The following ERBIN variants were observed in gnomAD, a reference collection of about 807,000 sequenced individuals.
The protein encoded by ERBIN is densin-180-like protein.
Under a neutral mutation model 158.4 loss-of-function variants are expected in ERBIN, and 60 were observed. The ratio of observed to expected loss-of-function variants is 0.38; its 90% CI spans 0.31 to 0.47. The LOEUF is 0.47. Ranked by LOEUF, ERBIN falls within the 20% of genes least tolerant of loss-of-function variation. The pLI is 0.99. For missense variants in ERBIN, 1,610 were observed against 1,648.0 expected (o/e 0.98, Z 0.40); for synonymous variants, 594 against 557.2 (o/e 1.07, Z -0.93).
chr5:65,994,103 A>C (rs1290392546), intron 3 of ERBIN, among the ~76,000 whole-genome samples: 1 of 152,198 alleles, frequency 6.6e-6, no homozygotes, highest in African/African-American at 2.4e-5. Context: ...TTATATGGCT[A>C]TGGATAAAAG....
chr5:66,067,306 A>T (rs1315145496), intron 21 of ERBIN, among the ~76,000 whole-genome samples: 3 of 152,244 alleles, frequency 2.0e-5, no homozygotes, highest in African/African-American at 7.2e-5. Context: ...TCTTGGCATT[A>T]GACGTCAACT....
intron 1 of ERBIN, among the ~76,000 whole-genome samples, chr5:65,962,107 T>C (rs1747991916): frequency 6.6e-6 from 1 of 152,202 alleles, no homozygotes. Flanking sequence ...AGAGCAATTG[T>C]TATTTGTAAA....
chr5:66,043,873 A>G (rs928248919), intron 16 of ERBIN, among the ~76,000 whole-genome samples: 4 of 152,212 alleles, frequency 2.6e-5, no homozygotes, highest in Non-Finnish European at 4.4e-5. Flanking sequence ...ATTTTTGGCA[A>G]TATTCATACT....
chr5:65,987,420 G>A (rs1012641708), intron 1 of ERBIN, among the ~76,000 whole-genome samples: 1 of 100,944 alleles, frequency 9.9e-6, no homozygotes, highest in Non-Finnish European at 2.2e-5. Context: ...AGGTTAGCTG[G>A]GTGTGGTGGT....
intron 1 of ERBIN, among the ~76,000 whole-genome samples, chr5:65,955,593 G>T (rs559680384): frequency 2.6e-5 from 4 of 152,342 alleles, no homozygotes; most frequent in Admixed American, 2.6e-4. Context: ...TTGTGCCACT[G>T]CACTCCAGCA....
At chr5:66,055,402 T>G (rs1759489273) in intron 21 of ERBIN, among the ~76,000 whole-genome samples, 1 of 152,202 alleles carries the variant, frequency 6.6e-6, no homozygotes, top group Admixed American at 6.5e-5. Context: ...GAACTAACAT[T>G]GTCACTGACA....
intron 1 of ERBIN, among the ~76,000 whole-genome samples, chr5:65,952,887 T>A (rs1198303621): frequency 6.6e-6 from 1 of 152,096 alleles, no homozygotes; most frequent in African/African-American, 2.4e-5. Context: ...GGAACAAGAG[T>A]ACAAATGGAG....
rs185418324 is a variant in ERBIN, at chr5:66,043,036, C to T, written c.1307-41C>T. 131 of 1,423,770 alleles carry T rather than the reference C, an allele frequency of 9.2e-5. No individual in the cohort carries two copies. In the African/African-American group the frequency reaches 1.6e-3, roughly 18 times the overall value. The allele number at this position is 1,423,770 out of a possible 1,614,324, so 88.2% of individuals were successfully genotyped here. On this transcript the variant is annotated intron_variant, in intron 15 of 25. Coordinates refer to ENST00000284037, the MANE Select transcript of ERBIN (RefSeq NM_001253697.2). ...AGCAAGTGATAGTTTTCCATAATTA[C>T]AGTAAAATATAGTAGGTTTTTGTTT... is the stretch of plus-strand genomic sequence containing the variant.
chr5:65,928,803 A>G (rs1299395535), intron 1 of ERBIN, among the ~76,000 whole-genome samples: 6 of 152,214 alleles, frequency 3.9e-5, no homozygotes, highest in African/African-American at 1.4e-4. Context: ...TTGTGAAACT[A>G]TAAGTATTTT....
chr5:65,985,091 A>G (rs555413276), intron 1 of ERBIN, among the ~76,000 whole-genome samples: 1 of 152,284 alleles, frequency 6.6e-6, no homozygotes, highest in South Asian at 2.1e-4. Flanking sequence ...GAATCACATG[A>G]CATTTTTTTG....
intron 4 of ERBIN, among the ~76,000 whole-genome samples, chr5:66,009,863 T>A (rs778694152): frequency 2.0e-5 from 3 of 152,164 alleles, no homozygotes; most frequent in Non-Finnish European, 2.9e-5. Context: ...ATTTTAAAAC[T>A]TAGATTAAGT....
At chr5:65,937,838 G>A (rs577994059) in intron 1 of ERBIN, among the ~76,000 whole-genome samples, 1 of 152,312 alleles carries the variant, frequency 6.6e-6, no homozygotes, top group South Asian at 2.1e-4. Context: ...GAACCCGGGA[G>A]GCGGAGCTTG....
At chr5:66,026,115 A>G (rs1366472437) in intron 12 of ERBIN, 138 bp downstream of exon 12, 8 of 836,010 alleles carry the variant, frequency 9.6e-6, no homozygotes, top group African/African-American at 9.0e-5. Flanking sequence ...ATAATTAGCT[A>G]TGTTAATTTA....
At chr5:65,993,044 C>A in intron 3 of ERBIN, 137 bp downstream of exon 3, 1 of 521,304 alleles carries the variant, frequency 1.9e-6, no homozygotes. Flanking sequence ...GTAGAGTATG[C>A]CGTACAATTC....
At chr5:66,013,500 G>T in intron 5 of ERBIN, 49 bp from the exon 6 acceptor site, 2 of 1,241,844 alleles carry the variant, frequency 1.6e-6, no homozygotes, top group Non-Finnish European at 2.4e-6. Flanking sequence ...TTTAATAAAA[G>T]ACTGAATTTC....
chr5:66,032,436 T>C (rs569639795), intron 14 of ERBIN, among the ~76,000 whole-genome samples: 27 of 152,292 alleles, frequency 1.8e-4, no homozygotes, highest in African/African-American at 6.0e-4. Context: ...CATTGATAAT[T>C]ACATGAGAAC....
intron 1 of ERBIN, among the ~76,000 whole-genome samples, chr5:65,975,095 C>A (rs1458300022): frequency 2.6e-5 from 4 of 152,180 alleles, no homozygotes; most frequent in Non-Finnish European, 5.9e-5. Flanking sequence ...GCAACCTTTG[C>A]CTCCTGGGTT....
In ERBIN at chr5:66,012,125, C is replaced by A; in HGVS notation, c.384C>A (p.Ser128=). Residue 128 remains serine, a splice_region_variant and synonymous_variant, in exon 5 of 26, where the codon TCC becomes TCA. Coordinates refer to ENST00000284037, the MANE Select transcript of ERBIN (RefSeq NM_001253697.2). ...TIVEASVNPI[S]KLPDGFSQLL... is the part of the protein sequence containing the mutation. The stretch of plus-strand genomic sequence containing the variant: ...TGGAGGCCAGTGTAAACCCTATTTC[C>A]AAGTAAGTTCTCAGGTGAATTATAA... The A allele has an allele frequency of 6.4e-7, 1 of 1,571,376 alleles. No individual in the cohort carries two copies. Among genetic ancestry groups the A allele is most frequent in the Non-Finnish European group, 8.7e-7 (1 of 1,154,580 alleles).
chr5:66,074,996 A>G, intron 22 of ERBIN, 28 bp from the exon 23 acceptor site: 1 of 1,600,208 alleles, frequency 6.2e-7, no homozygotes, highest in South Asian at 1.1e-5. Context: ...ATTATTGGTC[A>G]TTTTAAGATA....
Sources: gnomAD v4.1 joint callset for allele counts (sites outside exome capture counted in the v4.1 genomes callset) on GRCh38, gnomAD v4.1.1 for gene constraint, MANE v1.5 for transcripts, NCBI Gene and HGNC (gene_info 2026-07-23, HGNC 2026-07-21) for gene names.